Variants in UBE3B observed in about 807,000 individuals in gnomAD.
UBE3B encodes ubiquitin-protein ligase E3B.
A neutral mutation model predicts 132.3 loss-of-function variants in UBE3B; 80 were observed. That is an observed-to-expected ratio of 0.60 (90% CI 0.50 to 0.73). UBE3B has a LOEUF of 0.73. Ranked by LOEUF, UBE3B falls within the 30% of genes least tolerant of loss-of-function variation. The pLI is 0.00. For synonymous variants in UBE3B, 487 were observed against 520.4 expected (o/e 0.94, Z 0.87); for missense variants, 1,196 against 1,362.5 (o/e 0.88, Z 1.92).
downstream of UBE3B, among the ~76,000 whole-genome samples, chr12:109,539,231 G>A (rs1033935984): frequency 2.6e-5 from 4 of 152,154 alleles, no homozygotes; most frequent in East Asian, 1.9e-4. Flanking sequence ...ATGAGACTCC[G>A]TCTCAAAAAC....
chr12:109,534,953 G>A lies in UBE3B; in HGVS notation c.*171G>A, dbSNP rs1883308387. On this transcript the variant is annotated 3_prime_UTR_variant, in exon 28 of 28. Coordinates refer to ENST00000342494, the MANE Select transcript of UBE3B (RefSeq NM_130466.4). This position sits in a 1 kb window ranked among gnomAD's most constrained non-coding sequence, Gnocchi z 5.2. ...TCAAGAAATTTAGACGCCCACGACA[G>A]CACTACACAGCATCTCCAGGTGATG... is the stretch of plus-strand genomic sequence containing the variant. 2 of 455,948 alleles carry A rather than the reference G, an allele frequency of 4.4e-6. No homozygotes were observed. Among genetic ancestry groups the A allele is most frequent in the East Asian group, 3.5e-5 (1 of 28,370 alleles). The allele number at this position is 455,948 out of a possible 1,614,324, so 28.2% of individuals were successfully genotyped here. A position where few individuals can be genotyped will look rare whatever the true frequency, so the allele number is the denominator to read the frequency against.
chr12:109,527,289 C>T (rs1882454378), intron 24 of UBE3B, among the ~76,000 whole-genome samples: 1 of 152,180 alleles, frequency 6.6e-6, no homozygotes, highest in Non-Finnish European at 1.5e-5. Flanking sequence ...CCTCTCAGTG[C>T]ATGGTCTCCA....
chr12:109,506,520 GTAT>G (rs1004902545), intron 14 of UBE3B, among the ~76,000 whole-genome samples: 2 of 152,092 alleles, frequency 1.3e-5, no homozygotes, highest in African/African-American at 4.8e-5. Flanking sequence ...GGCTGATTTT[GTAT>G]TTTTTAGTAG....
intron 1 of UBE3B, among the ~76,000 whole-genome samples, chr12:109,481,313 C>CAA (rs34653918): frequency 0.062 from 7,625 of 122,112 alleles, 267 homozygotes; most frequent in Middle Eastern, 0.097. Flanking sequence ...GAGACTATCT[C>CAA]AAAAAAAAAA....
At chr12:109,495,793 A>G (rs989968298) in intron 9 of UBE3B, among the ~76,000 whole-genome samples, 8 of 152,218 alleles carry the variant, frequency 5.3e-5, no homozygotes, top group African/African-American at 2.4e-5. Flanking sequence ...TGCTCATGCT[A>G]TTGTTTGTGG....
rs1005073912 is a variant in UBE3B, at chr12:109,523,940, CCTGG to C, written c.2365-34_2365-31del. On this transcript the variant is annotated intron_variant, in intron 21 of 27. Coordinates refer to ENST00000342494, the MANE Select transcript of UBE3B (RefSeq NM_130466.4). ...CCCAATCCAAACACTGCATCAGAAT[CCTGG>C]CTGATGGACAGCTCTGCTTCTCTGC... 9.9e-6 allele frequency: 16 copies of C among 1,611,388 alleles called. No individual in the cohort carries two copies. The Admixed American group carries it at 1.7e-4, about 17-fold the overall frequency.
At chr12:109,479,282 A>G (rs1288579419) in intron 1 of UBE3B, among the ~76,000 whole-genome samples, 4 of 152,202 alleles carry the variant, frequency 2.6e-5, no homozygotes, top group African/African-American at 9.7e-5. Context: ...GCTCACTTAC[A>G]TGCTACATGC....
chr12:109,486,349 C>T, intron 5 of UBE3B, 122 bp from the exon 6 acceptor site: 3 of 811,556 alleles, frequency 3.7e-6, no homozygotes, highest in South Asian at 1.8e-5. Flanking sequence ...CTTATTTGTC[C>T]ATTCAGGTCC....
In UBE3B at chr12:109,522,447, CTGTG is replaced by C. The variant is rs1881828773; in HGVS notation, c.2364+899_2364+902del. 6.6e-6 allele frequency among the ~76,000 whole-genome samples: 1 copy of C among 152,232 alleles called. No individual in the cohort carries two copies. The highest frequency in any genetic ancestry group is 2.4e-5 in the African/African-American group (1 of 41,468). ...AAGCTGCAGCACAAGCCCAGCCAGT[CTGTG>C]TGGCCTTCGCAGTGGGCTCCAGAGC... On this transcript the variant is annotated intron_variant, in intron 21 of 27. Transcript: ENST00000342494. The surrounding 1 kb of genome is among the most constrained non-coding windows in gnomAD (Gnocchi z 4.2).
Position 109,524,132 on chromosome 12 carries a change from G to A in UBE3B, c.2502+17G>A, listed in dbSNP as rs1418831583. On this transcript the variant is annotated intron_variant, in intron 22 of 27. Coordinates refer to ENST00000342494, the MANE Select transcript of UBE3B (RefSeq NM_130466.4). ...TCCATCAAGGTGAGCATGGAATGGT[G>A]GGTGAGCTAAGCCGAGCACTGGTGT... The A allele has an allele frequency of 6.2e-7, 1 of 1,613,836 alleles. No individual in the cohort carries two copies. Among genetic ancestry groups the A allele is most frequent in the South Asian group, 1.1e-5 (1 of 91,066 alleles).
chr12:109,501,511 C>G lies in UBE3B; in HGVS notation c.1259C>G (p.Pro420Arg). 6.2e-7 allele frequency: 1 copy of G among 1,614,000 alleles called. No homozygotes were observed. Among genetic ancestry groups the G allele is most frequent in the South Asian group, 1.1e-5 (1 of 91,050 alleles). Residue 420 changes from proline (P) to arginine (R), a missense_variant, in exon 13 of 28, where the codon CCT becomes CGT. Coordinates refer to ENST00000342494, the MANE Select transcript of UBE3B (RefSeq NM_130466.4). The stretch of plus-strand genomic sequence containing the variant: ...CCAGCCCACGCACAGCCAGCATCCC[C>G]TCAGAATGTGCTCCCAGTGAAGAGT... Reference protein sequence around the residue: ...QEPAHAQPASPQNVLPVKSLL... With the variant: ...QEPAHAQPASRQNVLPVKSLL...
the UBE3B span, among the ~76,000 whole-genome samples, chr12:109,544,812 T>G: frequency 1.3e-5 from 2 of 152,242 alleles, no homozygotes; most frequent in Non-Finnish European, 2.9e-5. Context: ...TATTTCTCCA[T>G]AACGCTGGTC....
chr12:109,528,253 ACTCTCTT>A, intron 24 of UBE3B: 1 of 820,288 alleles, frequency 1.2e-6, no homozygotes, highest in Non-Finnish European at 1.5e-6. Flanking sequence ...TGTTTCCCAT[ACTCTCTT>A]CTCTCGTATC....
chr12:109,480,034 A>G (rs1875094795), intron 1 of UBE3B, among the ~76,000 whole-genome samples: 1 of 152,150 alleles, frequency 6.6e-6, no homozygotes, highest in Non-Finnish European at 1.5e-5. Flanking sequence ...TCTAAACAAC[A>G]GGGCCAGGAG....
intron 19 of UBE3B, among the ~76,000 whole-genome samples, chr12:109,518,704 C>T (rs894635716): frequency 4.6e-5 from 7 of 152,210 alleles, no homozygotes; most frequent in Non-Finnish European, 8.8e-5. Flanking sequence ...TCACAAATAT[C>T]ATTGCTTATT....
chr12:109,531,367 C>T (rs1882922474), intron 26 of UBE3B, among the ~76,000 whole-genome samples: 1 of 152,200 alleles, frequency 6.6e-6, no homozygotes, highest in Non-Finnish European at 1.5e-5. Flanking sequence ...GGCACACACG[C>T]TTCTCTGTGT....
intron 24 of UBE3B, among the ~76,000 whole-genome samples, chr12:109,527,866 C>T (rs1490513838): frequency 6.6e-6 from 1 of 152,196 alleles, no homozygotes; most frequent in Non-Finnish European, 1.5e-5. Flanking sequence ...GCTTAAATGA[C>T]AGCAGTGATG....
chr12:109,532,165 G>A (rs73196294), intron 26 of UBE3B, among the ~76,000 whole-genome samples: 8,168 of 152,166 alleles, frequency 0.054, 302 homozygotes, highest in Non-Finnish European at 0.083. Context: ...GACCTGAGCC[G>A]GCCTAAATTG....
At chr12:109,498,089 G>T in intron 10 of UBE3B, 144 bp from the exon 11 acceptor site, 1 of 1,355,420 alleles carries the variant, frequency 7.4e-7, no homozygotes. Context: ...GCCCAAAGAA[G>T]TGGGTTCTTG....
Sources: gnomAD v4.1 joint callset for allele counts (sites outside exome capture counted in the v4.1 genomes callset) on GRCh38, gnomAD v4.1.1 for gene constraint, Gnocchi (gnomAD v3.1) non-coding constraint, MANE v1.5 for transcripts, NCBI Gene and HGNC (gene_info 2026-07-23, HGNC 2026-07-21) for gene names.